SMIM35: variants seen among roughly 807,000 people sequenced by gnomAD.
The protein encoded by SMIM35 is small integral membrane protein 35, also known as TMPRSS4 antisense RNA 1 (non-protein coding).
chr11:118,017,446 A>G (rs1274464065), intron 1 of SMIM35, among the ~76,000 whole-genome samples: 2 of 152,208 alleles, frequency 1.3e-5, no homozygotes, highest in East Asian at 3.8e-4. Flanking sequence ...CACAAGAGAG[A>G]CAGGGAAGTC....
chr11:118,027,671 T>C (rs530016388), intron 1 of SMIM35, among the ~76,000 whole-genome samples: 2 of 152,364 alleles, frequency 1.3e-5, no homozygotes, highest in African/African-American at 4.8e-5. Flanking sequence ...AACTGATTCC[T>C]GAAGACGCCC....
chr11:118,019,624 T>C (rs1341861709), intron 1 of SMIM35, among the ~76,000 whole-genome samples: 1 of 152,208 alleles, frequency 6.6e-6, no homozygotes. Flanking sequence ...TTAATCAAAT[T>C]TATCTATTTG....
At chr11:118,016,072 T>G (rs1279618398) in intron 1 of SMIM35, among the ~76,000 whole-genome samples, 1 of 152,180 alleles carries the variant, frequency 6.6e-6, no homozygotes, top group Non-Finnish European at 1.5e-5. Flanking sequence ...GAGGTCTTTT[T>G]GAAGCCACAG....
chr11:118,072,206 G>A (rs545829722), intron 1 of SMIM35, among the ~76,000 whole-genome samples: 1 of 152,140 alleles, frequency 6.6e-6, no homozygotes, highest in African/African-American at 2.4e-5. Flanking sequence ...GAAACAACTG[G>A]CAGCCAGGCA....
At chr11:118,053,441 C>T (rs1424937999) in intron 1 of SMIM35, among the ~76,000 whole-genome samples, 2 of 152,142 alleles carry the variant, frequency 1.3e-5, no homozygotes, top group Admixed American at 6.5e-5. Flanking sequence ...GGGACAATGG[C>T]AGAGTGACTG....
chr11:118,083,537 C>G (rs562198489), intron 1 of SMIM35, among the ~76,000 whole-genome samples: 1 of 152,248 alleles, frequency 6.6e-6, no homozygotes, highest in East Asian at 1.9e-4. Context: ...GAAGCTCCTT[C>G]CCATTAACAA....
chr11:118,037,668 C>A (rs545297265), intron 1 of SMIM35, among the ~76,000 whole-genome samples: 66 of 152,334 alleles, frequency 4.3e-4, no homozygotes, highest in African/African-American at 1.5e-3. Context: ...TTAAGTTGAT[C>A]TTGCAAGGTG....
chr11:118,035,984 T>A (rs1016292759), intron 1 of SMIM35, among the ~76,000 whole-genome samples: 22 of 152,162 alleles, frequency 1.4e-4, no homozygotes, highest in African/African-American at 5.1e-4. Flanking sequence ...GCCTCCTGGG[T>A]TCCAGCGATT....
chr11:118,045,556 A>C (rs1331589510), intron 1 of SMIM35, among the ~76,000 whole-genome samples: 2 of 152,238 alleles, frequency 1.3e-5, no homozygotes, highest in Non-Finnish European at 2.9e-5. Context: ...TTTAAAGGTC[A>C]AAAACAGGTA....
chr11:118,060,188 C>T (rs1308908851), intron 1 of SMIM35, among the ~76,000 whole-genome samples: 2 of 152,196 alleles, frequency 1.3e-5, no homozygotes, highest in African/African-American at 2.4e-5. Flanking sequence ...CTCCAGGTCC[C>T]CCACCCATGT....
At chr11:118,028,624 G>A (rs2058293064) in intron 1 of SMIM35, 1 of 234,960 alleles carries the variant, frequency 4.3e-6, no homozygotes, top group Admixed American at 5.3e-5. Flanking sequence ...TGGGTTTTCA[G>A]TTCGTAAAGA....
intron 1 of SMIM35, among the ~76,000 whole-genome samples, chr11:118,069,319 T>A (rs1347619314): frequency 6.6e-6 from 1 of 152,220 alleles, no homozygotes; most frequent in East Asian, 1.9e-4. Context: ...TTCGTCTTCA[T>A]GCCGGTAGAC....
At chr11:118,030,531 G>A (rs2058309318) in intron 1 of SMIM35, among the ~76,000 whole-genome samples, 1 of 152,178 alleles carries the variant, frequency 6.6e-6, no homozygotes, top group Non-Finnish European at 1.5e-5. Flanking sequence ...ATATCTGCAT[G>A]TTCTTTCTTG....
intron 1 of SMIM35, among the ~76,000 whole-genome samples, chr11:118,057,391 G>T (rs534084704): frequency 6.6e-6 from 1 of 152,164 alleles, no homozygotes; most frequent in Non-Finnish European, 1.5e-5. Flanking sequence ...GAGCATTGGG[G>T]GAGGGGAGTC....
chr11:118,063,432 C>A (rs1236057789), intron 1 of SMIM35, among the ~76,000 whole-genome samples: 2 of 152,192 alleles, frequency 1.3e-5, no homozygotes, highest in Non-Finnish European at 1.5e-5. Context: ...ATCTTCTTTA[C>A]CCTCTTCATG....
chr11:118,082,505 A>G (rs537444232), intron 1 of SMIM35, among the ~76,000 whole-genome samples: 1 of 150,952 alleles, frequency 6.6e-6, no homozygotes, highest in Non-Finnish European at 1.5e-5. Flanking sequence ...AGGTTGCAGT[A>G]AGCCGAGATC....
At chr11:118,023,580 A>T in intron 1 of SMIM35, among the ~76,000 whole-genome samples, 1 of 147,404 alleles carries the variant, frequency 6.8e-6, no homozygotes, top group East Asian at 2.0e-4. Flanking sequence ...TTAAGACCCA[A>T]ATTATTTCCA....
intron 1 of SMIM35, among the ~76,000 whole-genome samples, chr11:118,065,485 C>G (rs188226154): frequency 7.9e-5 from 12 of 152,204 alleles, no homozygotes; most frequent in African/African-American, 1.9e-4. Flanking sequence ...CACCTTCCGT[C>G]GCTGGCCAAC....
intron 1 of SMIM35, among the ~76,000 whole-genome samples, chr11:118,073,977 T>A (rs1473288997): frequency 6.6e-6 from 1 of 152,228 alleles, no homozygotes; most frequent in Non-Finnish European, 1.5e-5. Context: ...AGCTCTCAGC[T>A]GGACGAGACC....
Sources: gnomAD v4.1 joint callset for allele counts (sites outside exome capture counted in the v4.1 genomes callset) on GRCh38, gnomAD v4.1.1 for gene constraint, MANE v1.5 for transcripts, NCBI Gene and HGNC (gene_info 2026-07-23, HGNC 2026-07-21) for gene names.